Variants in NEBL observed in about 807,000 individuals in gnomAD.
NEBL encodes the protein LIM and SH3 protein 2.
NEBL carries 122 observed loss-of-function variants against 140.2 expected under a neutral mutation model. That is an observed-to-expected ratio of 0.87 (90% CI 0.75 to 1.01). NEBL has a LOEUF of 1.01. Ranked by LOEUF, NEBL falls within the 50% of genes least tolerant of loss-of-function variation. The probability of loss-of-function intolerance (pLI) is 0.00; values close to 1 mark genes in which losing one functional copy is unlikely to be tolerated. For missense variants in NEBL, 1,365 were observed against 1,231.3 expected (o/e 1.11, Z -1.62); for synonymous variants, 436 against 398.9 (o/e 1.09, Z -1.11).
chr10:21,204,638 C>T (rs896624723), intron 3 of NEBL, among the ~76,000 whole-genome samples: 1 of 152,164 alleles, frequency 6.6e-6, no homozygotes, highest in Non-Finnish European at 1.5e-5. Flanking sequence ...CTGTGGGATT[C>T]TGTTAAGGAA....
At chr10:21,027,500 G>A (rs1833563190) in intron 2 of NEBL, among the ~76,000 whole-genome samples, 1 of 151,156 alleles carries the variant, frequency 6.6e-6, no homozygotes, top group Non-Finnish European at 1.5e-5. Flanking sequence ...GCTAATTTTT[G>A]TATTTTTTTG....
chr10:21,227,870 T>C (rs1457035786), intron 3 of NEBL, among the ~76,000 whole-genome samples: 1 of 151,586 alleles, frequency 6.6e-6, no homozygotes, highest in Non-Finnish European at 1.5e-5. Context: ...CTTCTTTTTA[T>C]CTCAGGATAC....
intron 3 of NEBL, among the ~76,000 whole-genome samples, chr10:21,219,249 A>G (rs114053158): frequency 0.012 from 1,761 of 152,352 alleles, 30 homozygotes; most frequent in African/African-American, 0.04. Flanking sequence ...GTAATAAATG[A>G]AATTAAAAAT....
At chr10:20,887,900 A>T (rs1211044206) in intron 4 of NEBL, among the ~76,000 whole-genome samples, 197 bp downstream of exon 4, 1 of 152,226 alleles carries the variant, frequency 6.6e-6, no homozygotes, top group African/African-American at 2.4e-5. Context: ...GTACCATGTG[A>T]CTGACATAAA....
intron 3 of NEBL, among the ~76,000 whole-genome samples, chr10:21,185,492 T>C (rs1288135178): frequency 1.6e-5 from 2 of 127,930 alleles, no homozygotes; most frequent in African/African-American, 3.1e-5. Context: ...CTTTCCTTTT[T>C]TTTTTTTTTT....
chr10:21,136,357 C>T (rs1839355487), intron 2 of NEBL, among the ~76,000 whole-genome samples: 2 of 152,314 alleles, frequency 1.3e-5, no homozygotes, highest in Non-Finnish European at 1.5e-5. Flanking sequence ...AAGACAGGGT[C>T]TCACTCTCTT....
intron 1 of NEBL, among the ~76,000 whole-genome samples, chr10:21,289,875 T>C (rs940246810): frequency 2.6e-5 from 4 of 152,254 alleles, no homozygotes; most frequent in African/African-American, 9.6e-5. Flanking sequence ...TTCACTTGCC[T>C]GTTGTCTGTG....
chr10:20,858,287 A>C lies in NEBL; in HGVS notation c.856T>G (p.Leu286Val). The change falls in exon 9 of 28, where the codon TTG (leucine) becomes GTG (valine). Residue 286 changes from leucine (L) to valine (V), a missense_variant. This residue lies in a region of NEBL where 1,323 missense variants were observed against 1,154.8 expected (regional missense o/e 1.15). Coordinates refer to ENST00000377122, the MANE Select transcript of NEBL (RefSeq NM_006393.3). ...TTCAAAACATGGTCTAAAAACAACA[A>C]ATTTGGGAGATCTGAAACTGGATCA... The part of the protein sequence containing the change: ...MHDPVSDLPN[L>V]LFLDHVLKAS... The C allele has an allele frequency of 6.2e-7, 1 of 1,612,258 alleles. No individual in the cohort carries two copies. The highest frequency in any genetic ancestry group is 2.2e-5 in the East Asian group (1 of 44,850).
intron 2 of NEBL, among the ~76,000 whole-genome samples, chr10:21,050,280 CT>C (rs369264298): frequency 2.0e-5 from 3 of 151,634 alleles, no homozygotes; most frequent in South Asian, 2.1e-4. Flanking sequence ...CTGTTGGCAA[CT>C]TTTTTTTTAC....
At chr10:20,880,291 C>A (rs1208048096) in intron 5 of NEBL, among the ~76,000 whole-genome samples, 1 of 152,146 alleles carries the variant, frequency 6.6e-6, no homozygotes, top group Non-Finnish European at 1.5e-5. Flanking sequence ...ACCCGGCAGG[C>A]AGAGGTTGCA....
intron 1 of NEBL, among the ~76,000 whole-genome samples, chr10:21,278,982 T>A (rs554668355): frequency 3.3e-5 from 5 of 152,286 alleles, no homozygotes; most frequent in Admixed American, 3.3e-4. Flanking sequence ...AATTAGATAG[T>A]TCATAGCCCC....
intron 2 of NEBL, among the ~76,000 whole-genome samples, chr10:21,033,457 T>G (rs545929617): frequency 1.3e-5 from 2 of 152,228 alleles, no homozygotes; most frequent in Non-Finnish European, 2.9e-5. Flanking sequence ...CATAAATGTG[T>G]AAATGTTTAG....
intron 4 of NEBL, among the ~76,000 whole-genome samples, chr10:20,924,026 G>A: frequency 6.6e-6 from 1 of 152,046 alleles, no homozygotes; most frequent in East Asian, 1.9e-4. Flanking sequence ...CCACATCTAG[G>A]TCCCCAGGAT....
chr10:20,900,388 A>G (rs116831926), upstream of NEBL, among the ~76,000 whole-genome samples: 1,987 of 152,330 alleles, frequency 0.013, 50 homozygotes, highest in African/African-American at 0.044. Context: ...TAATAAAAAG[A>G]AAGCACTGGC....
intron 1 of NEBL, among the ~76,000 whole-genome samples, chr10:21,255,670 C>T (rs766939477): frequency 6.6e-6 from 1 of 152,110 alleles, no homozygotes; most frequent in Admixed American, 6.5e-5. Flanking sequence ...TATGATAAAT[C>T]TTCAGCATCA....
At chr10:21,138,446 C>CTTTGCCTCTACCATGAT (rs1231111587) in intron 2 of NEBL, among the ~76,000 whole-genome samples, 3 of 151,928 alleles carry the variant, frequency 2.0e-5, no homozygotes, top group Middle Eastern at 3.4e-3. Flanking sequence ...TGATTACAAG[C>CTTTGCCTCTACCATGAT]TAGAAGAAAT....
At chr10:20,834,223 A>AT (rs896626934) in intron 14 of NEBL, among the ~76,000 whole-genome samples, 2 of 152,094 alleles carry the variant, frequency 1.3e-5, no homozygotes, top group Non-Finnish European at 1.5e-5. Flanking sequence ...CCCATTTAAG[A>AT]TTTTTTTAAG....
chr10:20,946,373 C>T (rs1835159746), intron 4 of NEBL, among the ~76,000 whole-genome samples: 1 of 152,210 alleles, frequency 6.6e-6, no homozygotes, highest in Non-Finnish European at 1.5e-5. Flanking sequence ...AGTCAAGGAA[C>T]ACACAAAGAC....
At chr10:20,816,138 G>A (rs1293882785) in intron 21 of NEBL, among the ~76,000 whole-genome samples, 1 of 152,138 alleles carries the variant, frequency 6.6e-6, no homozygotes, top group African/African-American at 2.4e-5. Context: ...TTCAGAGGTT[G>A]AGTTGTATTT....
Sources: gnomAD v4.1 joint callset for allele counts (sites outside exome capture counted in the v4.1 genomes callset) on GRCh38, gnomAD v4.1.1 for gene constraint, gnomAD v4.1.1 regional missense constraint, MANE v1.5 for transcripts, NCBI Gene and HGNC (gene_info 2026-07-23, HGNC 2026-07-21) for gene names.